Variants in MECOM observed in about 807,000 individuals in gnomAD.
MECOM encodes the protein histone-lysine N-methyltransferase MECOM.
MECOM carries 13 observed loss-of-function variants against 116.3 expected under a neutral mutation model. The ratio of observed to expected loss-of-function variants is 0.11; its 90% CI spans 0.07 to 0.18. The LOEUF (loss-of-function observed/expected upper bound fraction) is 0.18, where lower values mean the gene tolerates loss of function less well. Among genes scored for constraint, MECOM ranks in the 10% least tolerant of loss-of-function variants. The pLI is 1.00. For synonymous variants in MECOM, 528 were observed against 535.2 expected (o/e 0.99, Z 0.19); for missense variants, 1,299 against 1,509.0 (o/e 0.86, Z 2.31).
intron 1 of MECOM, among the ~76,000 whole-genome samples, chr3:169,579,531 A>G (rs1764876375): frequency 6.6e-6 from 1 of 152,182 alleles, no homozygotes; most frequent in South Asian, 2.1e-4. Context: ...CCCCTAGGCC[A>G]AGGGCATCAA....
At chr3:169,219,356 A>T (rs1033805622) in intron 2 of MECOM, among the ~76,000 whole-genome samples, 3 of 152,048 alleles carry the variant, frequency 2.0e-5, no homozygotes, top group Non-Finnish European at 4.4e-5. Flanking sequence ...AATACAAAAA[A>T]ATTAGCCAGG....
chr3:169,533,298 T>G (rs1758883907), intron 1 of MECOM, among the ~76,000 whole-genome samples: 1 of 152,220 alleles, frequency 6.6e-6, no homozygotes, highest in Admixed American at 6.5e-5. Context: ...TTCTGATTTA[T>G]CATTTTTACA....
At chr3:169,357,182 A>G (rs938189758) in intron 2 of MECOM, among the ~76,000 whole-genome samples, 2 of 151,898 alleles carry the variant, frequency 1.3e-5, no homozygotes, top group Non-Finnish European at 2.9e-5. Context: ...CTTTATTAGG[A>G]ATCCTGGGAA....
chr3:169,482,539 T>C (rs965118997), intron 1 of MECOM, among the ~76,000 whole-genome samples: 13 of 151,926 alleles, frequency 8.6e-5, no homozygotes, highest in African/African-American at 2.9e-4. Context: ...TGTCACCGTG[T>C]TAGCCAGAAT....
chr3:169,310,224 G>A (rs1010650530), intron 2 of MECOM, among the ~76,000 whole-genome samples: 11 of 151,820 alleles, frequency 7.2e-5, no homozygotes, highest in African/African-American at 1.2e-4. Flanking sequence ...TCACATATTC[G>A]TACACATTCA....
At chr3:169,406,395 G>A (rs1736698190) in intron 1 of MECOM, among the ~76,000 whole-genome samples, 1 of 152,150 alleles carries the variant, frequency 6.6e-6, no homozygotes. Context: ...TATATTCTAT[G>A]AGTCCATCAA....
At chr3:169,317,681 T>G (rs1720008150) in intron 2 of MECOM, among the ~76,000 whole-genome samples, 2 of 152,220 alleles carry the variant, frequency 1.3e-5, no homozygotes. Context: ...CCTAGGACAG[T>G]GACTAATGCT....
chr3:169,151,912 T>A (rs1315915508), intron 2 of MECOM, among the ~76,000 whole-genome samples: 5 of 152,214 alleles, frequency 3.3e-5, no homozygotes, highest in Non-Finnish European at 7.3e-5. Flanking sequence ...TTCCCAAATC[T>A]TTTTATTTAA....
chr3:169,146,812 G>C, intron 2 of MECOM: 1 of 1,098,456 alleles, frequency 9.1e-7, no homozygotes, highest in Non-Finnish European at 1.1e-6. Context: ...AGCCCCCAAC[G>C]CTCCTGCACG....
At chr3:169,584,944 T>C (rs1379410231) in intron 1 of MECOM, among the ~76,000 whole-genome samples, 2 of 152,236 alleles carry the variant, frequency 1.3e-5, no homozygotes, top group Non-Finnish European at 2.9e-5. Context: ...ACTAGAAGTG[T>C]TCAAGAATCA....
intron 1 of MECOM, among the ~76,000 whole-genome samples, chr3:169,410,493 G>A (rs929463177): frequency 6.6e-6 from 1 of 152,158 alleles, no homozygotes; most frequent in Non-Finnish European, 1.5e-5. Flanking sequence ...AGGACAATAA[G>A]AGAGGCCTAT....
chr3:169,180,849 G>A (rs1745878719), intron 2 of MECOM, among the ~76,000 whole-genome samples: 1 of 132,900 alleles, frequency 7.5e-6, no homozygotes, highest in South Asian at 2.4e-4. Flanking sequence ...AAATCGGAGA[G>A]ATGTCAAAAA....
intron 2 of MECOM, among the ~76,000 whole-genome samples, chr3:169,221,663 T>C (rs1482434702): frequency 6.6e-6 from 1 of 152,042 alleles, no homozygotes; most frequent in African/African-American, 2.4e-5. Flanking sequence ...TTCATCTGGC[T>C]GTCAAATCTC....
chr3:169,230,738 A>T (rs1753282630), intron 2 of MECOM, among the ~76,000 whole-genome samples: 1 of 152,104 alleles, frequency 6.6e-6, no homozygotes, highest in Non-Finnish European at 1.5e-5. Context: ...ACTTTTACCC[A>T]AGCCTACTTC....
At chr3:169,125,480 C>T (rs2149156198) in intron 5 of MECOM, among the ~76,000 whole-genome samples, 1 of 152,102 alleles carries the variant, frequency 6.6e-6, no homozygotes, top group African/African-American at 2.4e-5. Flanking sequence ...CCCCTAATTC[C>T]AAGGATATGG....
intron 4 of MECOM, 57 bp downstream of exon 4, chr3:169,131,372 G>T: frequency 1.4e-6 from 2 of 1,392,656 alleles, no homozygotes; most frequent in Non-Finnish European, 2.0e-6. Context: ...TGCTTTCGAT[G>T]CTACTTTATA....
chr3:169,652,740 A>G lies in MECOM; in HGVS notation c.37+10596T>C, dbSNP rs138681428. Among the ~76,000 whole-genome samples the G allele has an allele frequency of 2.1e-4, 32 of 152,344 alleles. No homozygotes were observed. In the East Asian group the frequency reaches 5.0e-3, roughly 24 times the overall value. ...ATCTATCAACCTTAAATTGTTTGAAAGAAATCTTTAATCATAAAAGTGCAT... is the reference window on the plus strand; with the variant it reads ...ATCTATCAACCTTAAATTGTTTGAAGGAAATCTTTAATCATAAAAGTGCAT... On this transcript the variant is annotated intron_variant, in intron 1 of 16. Coordinates refer to ENST00000651503, the MANE Select transcript of MECOM (RefSeq NM_004991.4).
intron 2 of MECOM, chr3:169,146,146 A>T: frequency 1.1e-6 from 1 of 919,724 alleles, no homozygotes; most frequent in Non-Finnish European, 1.4e-6. Flanking sequence ...GATAGCTTAA[A>T]AAAAAACCGT....
At chr3:169,539,741 CA>C (rs1759849168) in intron 1 of MECOM, among the ~76,000 whole-genome samples, 1 of 151,632 alleles carries the variant, frequency 6.6e-6, no homozygotes, top group Non-Finnish European at 1.5e-5. Context: ...CAGACCACAG[CA>C]CTTTCCTATA....
Sources: gnomAD v4.1 joint callset for allele counts (sites outside exome capture counted in the v4.1 genomes callset) on GRCh38, gnomAD v4.1.1 for gene constraint, MANE v1.5 for transcripts, NCBI Gene and HGNC (gene_info 2026-07-23, HGNC 2026-07-21) for gene names.